Variants in TNRC6C observed in about 807,000 individuals in gnomAD.
The protein encoded by TNRC6C is trinucleotide repeat-containing gene 6C protein.
TNRC6C carries 20 observed loss-of-function variants against 153.7 expected under a neutral mutation model. That is an observed-to-expected ratio of 0.13 (90% confidence interval 0.09 to 0.19). The LOEUF is 0.19. Ranked by LOEUF, TNRC6C falls within the 10% of genes least tolerant of loss-of-function variation. The probability of loss-of-function intolerance (pLI) is 1.00; values close to 1 mark genes in which losing one functional copy is unlikely to be tolerated. For missense variants in TNRC6C, 1,987 were observed against 2,172.0 expected (o/e 0.91, Z 1.69); for synonymous variants, 811 against 841.4 (o/e 0.96, Z 0.63).
chr17:78,068,037 T>C (rs1171492681), intron 5 of TNRC6C, 114 bp downstream of exon 7: 4 of 1,318,556 alleles, frequency 3.0e-6, no homozygotes, highest in Non-Finnish European at 3.0e-6. Flanking sequence ...AAAGTAGTCT[T>C]AGGACCCTTG....
chr17:78,054,256 G>A (rs970556836), intron 3 of TNRC6C, among the ~76,000 whole-genome samples: 7 of 152,176 alleles, frequency 4.6e-5, no homozygotes, highest in African/African-American at 1.2e-4. Context: ...GTGAGTCAGT[G>A]AGTTAGTGGT....
At position 78,093,876 on chromosome 17, in the gene TNRC6C, C is replaced by A; in HGVS notation, c.4306+113C>A. 3 of 1,332,954 alleles carry A rather than the reference C, an allele frequency of 2.3e-6. 1 individual carries two copies. Among genetic ancestry groups the A allele is most frequent in the South Asian group, 3.2e-5 (2 of 62,618 alleles). 82.6% of individuals were successfully genotyped at this position (1,332,954 alleles called of 1,614,324 possible). On this transcript the variant is annotated intron_variant, in intron 16 of 19. Transcript: ENST00000301624. The stretch of plus-strand genomic sequence containing the variant: ...CAGGGATGATACAAGGCACAGTTGG[C>A]GGGCACCTTTTCTAGTCACCTGAAG...
At chr17:78,035,088 G>A (rs1003703715) in intron 2 of TNRC6C, among the ~76,000 whole-genome samples, 4 of 152,194 alleles carry the variant, frequency 2.6e-5, no homozygotes, top group Non-Finnish European at 5.9e-5. Flanking sequence ...AAAATGAGAG[G>A]TTTGAACCTC....
intron 1 of TNRC6C, among the ~76,000 whole-genome samples, chr17:77,963,737 C>T (rs2144031792): frequency 6.6e-6 from 1 of 152,350 alleles, no homozygotes; most frequent in South Asian, 2.1e-4. Context: ...GGGAAAGGAA[C>T]ACTCAATGTT....
At chr17:77,958,424 G>C (rs978556935), upstream of TNRC6C, among the ~76,000 whole-genome samples, 3 of 152,008 alleles carry the variant, frequency 2.0e-5, no homozygotes, top group African/African-American at 7.2e-5. Context: ...CTCGCACCCC[G>C]GCGCGCTCCC....
intron 1 of TNRC6C, among the ~76,000 whole-genome samples, chr17:78,015,982 T>C (rs762138144): frequency 6.6e-6 from 1 of 152,152 alleles, no homozygotes; most frequent in East Asian, 1.9e-4. Context: ...CTGAAGAATA[T>C]AGAAACTACT....
chr17:78,047,977 T>C (rs1357688962), intron 2 of TNRC6C, among the ~76,000 whole-genome samples: 1 of 152,170 alleles, frequency 6.6e-6, no homozygotes, highest in African/African-American at 2.4e-5. Context: ...CCCGAAGAGT[T>C]AAATACTATA....
intron 1 of TNRC6C, among the ~76,000 whole-genome samples, chr17:77,965,244 GA>G (rs1401412964): frequency 6.6e-6 from 1 of 152,150 alleles, no homozygotes; most frequent in Non-Finnish European, 1.5e-5. Context: ...CTCACATATG[GA>G]AAAAGCTTGG....
chr17:78,017,408 G>A (rs1193301765), intron 1 of TNRC6C, among the ~76,000 whole-genome samples: 1 of 152,106 alleles, frequency 6.6e-6, no homozygotes, highest in African/African-American at 2.4e-5. Context: ...TGCTCAGGTG[G>A]CGGAGCTGAA....
chr17:78,061,743 G>A (rs994347190), intron 3 of TNRC6C, among the ~76,000 whole-genome samples: 2 of 152,172 alleles, frequency 1.3e-5, no homozygotes, highest in East Asian at 1.9e-4. Flanking sequence ...GAGTAAGCAA[G>A]TGTTCTTCCA....
chr17:78,004,848 T>C (rs145487017), upstream of TNRC6C, among the ~76,000 whole-genome samples: 838 of 152,230 alleles, frequency 5.5e-3, 6 homozygotes, highest in African/African-American at 0.019. Flanking sequence ...CCAGATAGAA[T>C]TTTTTGCCTT....
At chr17:78,068,640 A>AG (rs2072928838) in intron 5 of TNRC6C, among the ~76,000 whole-genome samples, 1 of 152,184 alleles carries the variant, frequency 6.6e-6, no homozygotes, top group Admixed American at 6.5e-5. Flanking sequence ...CTAAAAATAC[A>AG]AAAACTAGCT....
chr17:78,036,097 G>A (rs1221807705), intron 2 of TNRC6C, among the ~76,000 whole-genome samples: 1 of 152,188 alleles, frequency 6.6e-6, no homozygotes, highest in Admixed American at 6.5e-5. Flanking sequence ...GGGCCGCTGA[G>A]GGAGGCGTCC....
At chr17:77,982,812 C>T (rs754088285) in intron 1 of TNRC6C, among the ~76,000 whole-genome samples, 5 of 152,066 alleles carry the variant, frequency 3.3e-5, no homozygotes, top group South Asian at 2.1e-4. Flanking sequence ...GCCTGGGTGA[C>T]GGAGCAAGAT....
intron 1 of TNRC6C, among the ~76,000 whole-genome samples, chr17:77,985,766 G>A (rs550480507): frequency 3.3e-5 from 5 of 152,232 alleles, no homozygotes; most frequent in South Asian, 2.1e-4. Context: ...TTGAATTAAC[G>A]TCTGCACAGT....
intron 2 of TNRC6C, among the ~76,000 whole-genome samples, chr17:78,042,059 A>G (rs2143867426): frequency 6.6e-6 from 1 of 152,302 alleles, no homozygotes; most frequent in East Asian, 1.9e-4. Flanking sequence ...TTATATGCTA[A>G]CATTTTGGAA....
chr17:78,030,172 C>T (rs951646721), intron 1 of TNRC6C, among the ~76,000 whole-genome samples: 3 of 151,644 alleles, frequency 2.0e-5, no homozygotes, highest in Admixed American at 6.6e-5. Flanking sequence ...TTTTTGGAGA[C>T]GGAGTCTCGC....
chr17:78,097,236 A>T (rs187890433), intron 16 of TNRC6C, among the ~76,000 whole-genome samples: 142 of 152,106 alleles, frequency 9.3e-4, no homozygotes, highest in East Asian at 2.9e-3. Context: ...TTAAAAAAAA[A>T]TTTTTTTTAA....
rs199823268 is a variant in TNRC6C at position 78,049,429 on chromosome 17, C to A, written c.367C>A (p.Pro123Thr). 6.2e-7 allele frequency: 1 copy of A among 1,614,008 alleles called. No individual in the cohort carries two copies. Among genetic ancestry groups the A allele is most frequent in the Non-Finnish European group, 8.5e-7 (1 of 1,179,878 alleles). Reference sequence around the variant, plus strand: ...TGAAGGAACCGTGGCGACAGGCAACCCTTCCAGTATTTGCAGTCCAGTCAG... The same window carrying A: ...TGAAGGAACCGTGGCGACAGGCAACACTTCCAGTATTTGCAGTCCAGTCAG... The change falls in exon 3 of 20, where the codon CCT becomes ACT. Residue 123 changes from proline (P) to threonine (T), a missense_variant. Coordinates refer to ENST00000301624, the Ensembl canonical transcript of TNRC6C. The surrounding 1 kb of genome is among the most constrained non-coding windows in gnomAD (Gnocchi z 4.1).
Sources: allele counts gnomAD v4.1 joint callset (sites outside exome capture counted in the v4.1 genomes callset), GRCh38; gene constraint gnomAD v4.1.1; non-coding constraint Gnocchi (gnomAD v3.1); transcripts MANE v1.5; gene names NCBI Gene and HGNC (gene_info 2026-07-23, HGNC 2026-07-21).